Variants in PTDSS1 observed in about 807,000 individuals in gnomAD.
PTDSS1 encodes the protein phosphatidylserine synthase 1.
PTDSS1 carries 45 observed loss-of-function variants against 70.5 expected under a neutral mutation model. The ratio of observed to expected loss-of-function variants is 0.64; its 90% CI spans 0.50 to 0.82. The LOEUF (loss-of-function observed/expected upper bound fraction) is 0.82, where lower values mean the gene tolerates loss of function less well. PTDSS1 is among the 40% of genes least tolerant of loss of function. The pLI is 0.00. For synonymous variants in PTDSS1, 188 were observed against 203.8 expected (o/e 0.92, Z 0.66); for missense variants, 417 against 586.1 (o/e 0.71, Z 2.98).
intron 1 of PTDSS1, among the ~76,000 whole-genome samples, chr8:96,269,594 C>A (rs1265681220): frequency 6.6e-6 from 1 of 152,204 alleles, no homozygotes; most frequent in African/African-American, 2.4e-5. Flanking sequence ...AAGTCATGAT[C>A]TTTCCTGAGA....
chr8:96,331,033 C>T lies in PTDSS1; in HGVS notation c.1250C>T (p.Ser417Leu), dbSNP rs146784811. 29 of 1,612,770 alleles carry T rather than the reference C, an allele frequency of 1.8e-5. No homozygotes were observed. The highest frequency in any genetic ancestry group is 1.4e-4 in the South Asian group (13 of 91,062). ...GCCTGTCTCTCTCCCTAGACCTACT[C>T]GGAGTGTGAAGATGGCACCTACAGT... is the stretch of plus-strand genomic sequence containing the variant. ...EHYGHREKTY[S>L]ECEDGTYSPE... The change falls in exon 12 of 13, where the codon TCG (serine) becomes TTG (leucine). Residue 417 changes from serine to leucine, a missense_variant. This residue lies in a region of PTDSS1 where 107 missense variants were observed against 122.3 expected (regional missense o/e 0.88). Coordinates refer to ENST00000517309, the MANE Select transcript of PTDSS1 (RefSeq NM_014754.3).
intron 1 of PTDSS1, among the ~76,000 whole-genome samples, chr8:96,269,578 G>T (rs1421374950): frequency 6.6e-6 from 1 of 152,134 alleles, no homozygotes; most frequent in Non-Finnish European, 1.5e-5. Flanking sequence ...GGGCAGCCCA[G>T]ACCACAAGTC....
intron 9 of PTDSS1, among the ~76,000 whole-genome samples, chr8:96,318,248 C>T (rs1300776776): frequency 2.0e-5 from 3 of 151,770 alleles, no homozygotes; most frequent in Non-Finnish European, 2.9e-5. Flanking sequence ...TTGCTTGAAC[C>T]GGGAGGCGGA....
chr8:96,292,315 AGAAAC>A (rs1810919398), intron 4 of PTDSS1, among the ~76,000 whole-genome samples: 5 of 151,952 alleles, frequency 3.3e-5, no homozygotes, highest in Admixed American at 2.6e-4. Context: ...AAAAAAGAAA[AGAAAC>A]CTTATATTTA....
chr8:96,310,015 T>TCTCCTGCCTCAGCCTCCCA (rs1304048220), intron 9 of PTDSS1, among the ~76,000 whole-genome samples: 2 of 151,668 alleles, frequency 1.3e-5, no homozygotes, highest in Admixed American at 6.6e-5. Flanking sequence ...GTACAAAAAT[T>TCTCCTGCCTCAGCCTCCCA]AGCTGGTTGA....
intron 10 of PTDSS1, among the ~76,000 whole-genome samples, chr8:96,323,661 C>T (rs972566136): frequency 6.6e-6 from 1 of 152,190 alleles, no homozygotes; most frequent in Non-Finnish European, 1.5e-5. Context: ...CCATTCTGCC[C>T]TCTTAGAGCT....
At chr8:96,271,281 A>G (rs572266261) in intron 1 of PTDSS1, among the ~76,000 whole-genome samples, 69 of 152,330 alleles carry the variant, frequency 4.5e-4, no homozygotes, top group Admixed American at 3.4e-3. Flanking sequence ...GTTTTGCACA[A>G]ATAGTTGCTT....
At chr8:96,266,165 C>A (rs918248767) in intron 1 of PTDSS1, among the ~76,000 whole-genome samples, 4 of 152,184 alleles carry the variant, frequency 2.6e-5, no homozygotes, top group Non-Finnish European at 5.9e-5. Context: ...AATTCACATT[C>A]AAAGAAGCCC....
chr8:96,286,355 G>A (rs934295554), intron 3 of PTDSS1, among the ~76,000 whole-genome samples: 2 of 152,178 alleles, frequency 1.3e-5, no homozygotes, highest in Non-Finnish European at 1.5e-5. Context: ...ATGACACATA[G>A]TGATTATTAG....
At chr8:96,274,993 T>C (rs1810620091) in intron 2 of PTDSS1, among the ~76,000 whole-genome samples, 1 of 152,236 alleles carries the variant, frequency 6.6e-6, no homozygotes, top group Non-Finnish European at 1.5e-5. Context: ...AAAATCTGCA[T>C]ACCTTATGCA....
chr8:96,302,177 A>C (rs1244113243), intron 6 of PTDSS1, among the ~76,000 whole-genome samples: 7 of 151,940 alleles, frequency 4.6e-5, no homozygotes, highest in Non-Finnish European at 8.8e-5. Context: ...GATTACAGGC[A>C]TGCACCACCA....
intron 9 of PTDSS1, among the ~76,000 whole-genome samples, chr8:96,312,158 G>A (rs780463152): frequency 4.1e-4 from 63 of 152,172 alleles, no homozygotes; most frequent in Non-Finnish European, 7.1e-4. Context: ...TGGGAGAAAC[G>A]GCAAAGGTAA....
At chr8:96,301,162 C>T (rs988114382) in intron 6 of PTDSS1, among the ~76,000 whole-genome samples, 2 of 152,096 alleles carry the variant, frequency 1.3e-5, no homozygotes, top group African/African-American at 4.8e-5. Flanking sequence ...TGGAGTCTTG[C>T]TCTGTCACCC....
chr8:96,317,175 G>A (rs1302985438), intron 9 of PTDSS1, among the ~76,000 whole-genome samples: 2 of 151,712 alleles, frequency 1.3e-5, no homozygotes, highest in Admixed American at 6.6e-5. Context: ...CAAGCCTACG[G>A]GTGGCCTTCC....
At chr8:96,290,125 C>G (rs932215822) in intron 4 of PTDSS1, among the ~76,000 whole-genome samples, 1 of 152,140 alleles carries the variant, frequency 6.6e-6, no homozygotes, top group East Asian at 1.9e-4. Flanking sequence ...ACTGAAAACA[C>G]AAGCCGATGG....
In PTDSS1 at chr8:96,334,330, A is replaced by G. The variant is rs933125351; in HGVS notation, c.*764A>G. On this transcript the variant is annotated 3_prime_UTR_variant, in exon 13 of 13. Coordinates refer to ENST00000517309, the MANE Select transcript of PTDSS1 (RefSeq NM_014754.3). ...CAGTGCACAAAAGCAAACCTGCTAG[A>G]GAGGCAGTGAACACCACAGCTTCTC... The G allele has an allele frequency of 1.3e-5, 2 of 152,880 alleles. No individual in the cohort carries two copies. The highest frequency in any genetic ancestry group is 4.8e-5 in the African/African-American group (2 of 41,458). The allele number at this position is 152,880 out of a possible 1,614,324, so 9.5% of individuals were successfully genotyped here.
intron 2 of PTDSS1, among the ~76,000 whole-genome samples, chr8:96,280,152 A>G (rs779153561): frequency 1.1e-4 from 16 of 152,220 alleles, no homozygotes; most frequent in Non-Finnish European, 2.1e-4. Flanking sequence ...AGATTTTAAA[A>G]TGCTAGCTCT....
intron 9 of PTDSS1, among the ~76,000 whole-genome samples, chr8:96,315,335 G>A (rs1179927315): frequency 6.6e-6 from 1 of 152,246 alleles, no homozygotes; most frequent in African/African-American, 2.4e-5. Context: ...ATGGAGCAGT[G>A]CGTGTGGGAT....
At position 96,331,107 on chromosome 8, in the gene PTDSS1, TTGTTC is replaced by T; in HGVS notation, c.1312+13_1312+17del. The T allele has an allele frequency of 1.5e-6, 2 of 1,301,212 alleles. No individual in the cohort carries two copies. The highest frequency in any genetic ancestry group is 2.2e-6 in the Non-Finnish European group (2 of 912,488). The allele number at this position is 1,301,212 out of a possible 1,614,324, so 80.6% of individuals were successfully genotyped here. On this transcript the variant is annotated intron_variant, in intron 12 of 12. Transcript: ENST00000517309. The stretch of plus-strand genomic sequence containing the variant: ...GAAAGGGACAAAAGGTATCTTGTTC[TTGTTC>T]GTTGTTTAAAATTTTACTGGGTCCT...
Sources: allele counts gnomAD v4.1 joint callset (sites outside exome capture counted in the v4.1 genomes callset), GRCh38; gene constraint gnomAD v4.1.1; regional missense constraint gnomAD v4.1.1; transcripts MANE v1.5; gene names NCBI Gene and HGNC (gene_info 2026-07-23, HGNC 2026-07-21).